The following DSE variants were observed in gnomAD, a reference collection of about 807,000 sequenced individuals.
The protein encoded by DSE is dermatan-sulfate epimerase.
In DSE, 36 loss-of-function variants were observed where a neutral mutation model predicts 84.4. That is an observed-to-expected ratio of 0.43 (90% CI 0.33 to 0.56). The LOEUF (loss-of-function observed/expected upper bound fraction) is 0.56. Among genes scored for constraint, DSE ranks in the 20% least tolerant of loss-of-function variants. The probability of loss-of-function intolerance (pLI) is 0.06; values close to 1 mark genes in which losing one functional copy is unlikely to be tolerated. For missense variants in DSE, 862 were observed against 1,169.6 expected, an observed-to-expected ratio of 0.74 and a Z score of 3.84; for synonymous variants, 410 against 430.1, an observed-to-expected ratio of 0.95 and a Z score of 0.58.
In DSE at chr6:116,315,988, T is replaced by TA. The variant is rs895703666; in HGVS notation, c.-54+57030dup. Reference sequence around the variant, plus strand: ...CTGGGTGACAGAACAAGATTCTGTCTAAAAAAAAACTACAGATGCCTGCTG... The same window carrying TA: ...CTGGGTGACAGAACAAGATTCTGTCTAAAAAAAAAACTACAGATGCCTGCTG... On this transcript the variant is annotated intron_variant, in intron 2 of 3. Coordinates refer to the DSE transcript ENST00000430252. Among the ~76,000 whole-genome samples the TA allele has an allele frequency of 1.5e-4, 23 of 151,460 alleles. No individual in the cohort carries two copies. In the South Asian group the frequency reaches 3.1e-3, roughly 21 times the overall value.
intron 1 of DSE, among the ~76,000 whole-genome samples, chr6:116,395,099 T>C (rs1341037201): frequency 6.6e-6 from 1 of 152,216 alleles, no homozygotes; most frequent in African/African-American, 2.4e-5. Context: ...TTTGAGATAG[T>C]GTGTGTGTTT....
intron 1 of DSE, among the ~76,000 whole-genome samples, chr6:116,377,716 A>C (rs1467417773): frequency 1.3e-5 from 2 of 152,208 alleles, no homozygotes; most frequent in African/African-American, 4.8e-5. Flanking sequence ...AGGTCATTTA[A>C]AAATACTTTA....
intron 2 of DSE, among the ~76,000 whole-genome samples, chr6:116,403,838 C>A (rs1043217157): frequency 6.6e-6 from 1 of 152,136 alleles, no homozygotes; most frequent in African/African-American, 2.4e-5. Context: ...TTGCAGTGTA[C>A]GTATGATGAA....
intron 1 of DSE, among the ~76,000 whole-genome samples, chr6:116,391,126 TATC>T (rs1159135280): frequency 6.6e-6 from 1 of 152,244 alleles, no homozygotes; most frequent in Non-Finnish European, 1.5e-5. Context: ...GTTATACAAT[TATC>T]ATCACTGGTA....
chr6:116,281,214 G>A (rs1773508140), intron 2 of DSE, among the ~76,000 whole-genome samples: 1 of 152,156 alleles, frequency 6.6e-6, no homozygotes, highest in Non-Finnish European at 1.5e-5. Context: ...TGGCTTTGAA[G>A]ATGGAGGAAG....
In DSE at chr6:116,319,536, AG is replaced by A. The variant is rs1419959432; in HGVS notation, c.-54+60572del. Among the ~76,000 whole-genome samples the A allele has an allele frequency of 3.9e-5, 6 of 152,366 alleles. No individual in the cohort carries two copies. In the East Asian group the frequency reaches 1.2e-3, roughly 29 times the overall value. ...CACATCTCACATGGAAAGAAGAGGC[AG>A]GGAAGTACAACTTAGAAGAGGTCTG... On this transcript the variant is annotated intron_variant, in intron 2 of 3. Coordinates refer to the DSE transcript ENST00000430252.
intron 1 of DSE, among the ~76,000 whole-genome samples, chr6:116,396,852 A>G (rs1781282547): frequency 6.6e-6 from 1 of 152,172 alleles, no homozygotes; most frequent in Non-Finnish European, 1.5e-5. Context: ...GTGGTTGCAT[A>G]GGGGAGGACA....
chr6:116,397,624 A>G (rs546421284), intron 1 of DSE, among the ~76,000 whole-genome samples: 4 of 152,344 alleles, frequency 2.6e-5, no homozygotes, highest in African/African-American at 9.6e-5. Flanking sequence ...GCATAACCAC[A>G]GAAGACTATT....
chr6:116,399,765 G>C (rs1781484297), intron 2 of DSE, 99 bp downstream of exon 2: 1 of 1,151,384 alleles, frequency 8.7e-7, no homozygotes, highest in African/African-American at 1.5e-5. Context: ...GTACCTCTTT[G>C]TGTATGTGTG....
intron 2 of DSE, among the ~76,000 whole-genome samples, chr6:116,322,102 C>T (rs1046773713): frequency 5.7e-5 from 8 of 139,612 alleles, no homozygotes; most frequent in African/African-American, 1.5e-4. Flanking sequence ...GTGAGAGGGA[C>T]GTGATTGATT....
At chr6:116,393,378 A>G (rs542690581) in intron 1 of DSE, among the ~76,000 whole-genome samples, 3 of 152,238 alleles carry the variant, frequency 2.0e-5, no homozygotes, top group Non-Finnish European at 4.4e-5. Context: ...AAGCAGTATG[A>G]TCTGGCCCTA....
chr6:116,308,859 A>G (rs1775501929), intron 2 of DSE, among the ~76,000 whole-genome samples: 2 of 151,982 alleles, frequency 1.3e-5, no homozygotes, highest in African/African-American at 4.8e-5. Flanking sequence ...TTGTGCTGGG[A>G]TTACAGGTGT....
intron 2 of DSE, among the ~76,000 whole-genome samples, chr6:116,271,482 CAG>C (rs757066523): frequency 1.1e-4 from 16 of 152,248 alleles, no homozygotes; most frequent in Admixed American, 2.0e-4. Flanking sequence ...AAAGGAAGCT[CAG>C]AGAGATTCTT....
intron 2 of DSE, among the ~76,000 whole-genome samples, chr6:116,345,412 A>T (rs1200076468): frequency 1.3e-5 from 2 of 152,218 alleles, no homozygotes; most frequent in African/African-American, 4.8e-5. Flanking sequence ...AATTATAACA[A>T]ACTGTCTCTC....
intron 2 of DSE, among the ~76,000 whole-genome samples, chr6:116,424,546 T>C (rs2858854): frequency 0.078 from 11,826 of 152,158 alleles, 649 homozygotes; most frequent in African/African-American, 0.15. Context: ...ACAGGTTTGT[T>C]CCTTCACTTT....
chr6:116,408,146 A>C (rs1378571816), intron 2 of DSE, among the ~76,000 whole-genome samples: 2 of 152,218 alleles, frequency 1.3e-5, no homozygotes, highest in Admixed American at 6.5e-5. Context: ...GTTTGCAGTC[A>C]TAACTGGGTT....
At chr6:116,379,084 C>G (rs977352729) in intron 1 of DSE, among the ~76,000 whole-genome samples, 1 of 152,038 alleles carries the variant, frequency 6.6e-6, no homozygotes, top group African/African-American at 2.4e-5. Context: ...CAGAATTGAT[C>G]CCATGGTTTT....
chr6:116,395,760 G>T (rs2114985584), intron 1 of DSE, among the ~76,000 whole-genome samples: 1 of 152,022 alleles, frequency 6.6e-6, no homozygotes, highest in East Asian at 1.9e-4. Flanking sequence ...TTTAATTTTG[G>T]CTCTTCTCTT....
chr6:116,254,449 C>A, intron 1 of DSE: 1 of 344,380 alleles, frequency 2.9e-6, no homozygotes, highest in South Asian at 2.3e-5. Context: ...GATTCACGAA[C>A]TCACAGGCCT....
Sources: allele counts gnomAD v4.1 joint callset (sites outside exome capture counted in the v4.1 genomes callset), GRCh38; gene constraint gnomAD v4.1.1; transcripts MANE v1.5; gene names NCBI Gene and HGNC (gene_info 2026-07-23, HGNC 2026-07-21).